Variants in LRIG1 observed in about 807,000 individuals in gnomAD.
LRIG1 encodes the protein leucine rich repeats and immunoglobulin like domains 1.
A neutral mutation model predicts 99.2 loss-of-function variants in LRIG1; 48 were observed. The observed-to-expected ratio is 0.48, with a 90% CI of 0.38 to 0.62. LRIG1 has a LOEUF of 0.62. Among genes scored for constraint, LRIG1 ranks in the 20% least tolerant of loss-of-function variants. The probability of loss-of-function intolerance (pLI) is 0.00; values close to 1 mark genes in which losing one functional copy is unlikely to be tolerated. For missense variants in LRIG1, 1,646 were observed against 1,434.4 expected (o/e 1.15, Z -2.38); for synonymous variants, 772 against 596.1 (o/e 1.29, Z -4.30).
chr3:66,477,802 A>G (rs1700756184), intron 1 of LRIG1, among the ~76,000 whole-genome samples: 1 of 151,980 alleles, frequency 6.6e-6, no homozygotes, highest in Admixed American at 6.6e-5. Flanking sequence ...GGAAGAGGGG[A>G]GAGGAGGGGA....
In LRIG1 at chr3:66,380,524, T is replaced by G. The variant is rs766278287; in HGVS notation, c.3056-35A>C. 3.1e-6 allele frequency: 5 copies of G among 1,613,770 alleles called. No homozygotes were observed. In the East Asian group the frequency reaches 1.1e-4, roughly 36 times the overall value. On this transcript the variant is annotated intron_variant, in intron 18 of 18. Coordinates refer to ENST00000273261, the MANE Select transcript of LRIG1 (RefSeq NM_015541.3). ...AAGAACGAACCTGTCAGACCCCCAC[T>G]TGACCGTTTAAGCAGCTCCCAACCC...
At chr3:66,385,276 C>A (rs1232379492) in intron 13 of LRIG1, among the ~76,000 whole-genome samples, 2 of 152,196 alleles carry the variant, frequency 1.3e-5, no homozygotes, top group Non-Finnish European at 2.9e-5. Flanking sequence ...CAGCCTTGCA[C>A]TCCACAGTCT....
intron 1 of LRIG1, chr3:66,498,332 AG>A (rs1255262092): frequency 6.6e-6 from 1 of 152,214 alleles, no homozygotes; most frequent in East Asian, 1.9e-4. Context: ...GGCAACAGAA[AG>A]CCTAAAGAAA....
At chr3:66,404,427 C>A in intron 9 of LRIG1, 1 of 1,197,434 alleles carries the variant, frequency 8.4e-7, no homozygotes, top group Non-Finnish European at 1.1e-6. Flanking sequence ...CGTCCCCTTC[C>A]TGCACGGTCC....
intron 6 of LRIG1, 30 bp from the exon 7 acceptor site, chr3:66,410,302 A>G (rs1406011151): frequency 1.9e-6 from 3 of 1,573,508 alleles, no homozygotes; most frequent in South Asian, 2.4e-5. Context: ...CAGGATGAAG[A>G]GGAGCTTTCA....
intron 1 of LRIG1, among the ~76,000 whole-genome samples, chr3:66,486,766 T>A (rs1214429247): frequency 6.6e-6 from 1 of 152,232 alleles, no homozygotes; most frequent in Non-Finnish European, 1.5e-5. Context: ...TTCACCTCAA[T>A]GCTAGTATTT....
intron 3 of LRIG1, among the ~76,000 whole-genome samples, chr3:66,451,063 T>C (rs1036681036): frequency 4.6e-5 from 7 of 152,202 alleles, no homozygotes; most frequent in Non-Finnish European, 8.8e-5. Flanking sequence ...CTAGAACAAA[T>C]AGATCGCATC....
In LRIG1 at chr3:66,380,218, C is replaced by G. The variant is rs1466187911; in HGVS notation, c.*45G>C. 4.6e-6 allele frequency: 7 copies of G among 1,526,254 alleles called. No individual in the cohort carries two copies. The highest frequency in any genetic ancestry group is 6.2e-6 in the Non-Finnish European group (7 of 1,121,454). The allele number at this position is 1,526,254 out of a possible 1,614,324, so 94.5% of individuals were successfully genotyped here. A position where few individuals can be genotyped will look rare whatever the true frequency, so the allele number is the denominator to read the frequency against. On this transcript the variant is annotated 3_prime_UTR_variant, in exon 19 of 19. Transcript: ENST00000273261. ...CTTCCTCGCAGCCTCTCCTACCTCT[C>G]TTTCCCGTAGAGATTGGTATGACAA...
At chr3:66,406,761 G>A (rs1702282857) in intron 8 of LRIG1, among the ~76,000 whole-genome samples, 1 of 152,176 alleles carries the variant, frequency 6.6e-6, no homozygotes, top group African/African-American at 2.4e-5. Flanking sequence ...GACTTCAAGG[G>A]AAATGGCATT....
At chr3:66,401,701 A>T (rs1702063309) in intron 9 of LRIG1, 1 of 1,508,900 alleles carries the variant, frequency 6.6e-7, no homozygotes, top group African/African-American at 1.4e-5. Flanking sequence ...GAGAAAGGAG[A>T]GGCGGGATTA....
intron 1 of LRIG1, among the ~76,000 whole-genome samples, chr3:66,486,542 C>T (rs1333133419): frequency 6.6e-6 from 1 of 152,180 alleles, no homozygotes; most frequent in African/African-American, 2.4e-5. Context: ...GGCACCTGAA[C>T]TTAAAGAGCT....
intron 17 of LRIG1, among the ~76,000 whole-genome samples, 159 bp downstream of exon 17, chr3:66,381,320 A>C (rs1402365566): frequency 6.6e-6 from 1 of 152,178 alleles, no homozygotes; most frequent in African/African-American, 2.4e-5. Flanking sequence ...CTATCCTGGA[A>C]TTAAGAGAGC....
intron 2 of LRIG1, among the ~76,000 whole-genome samples, chr3:66,456,885 A>G (rs1700235174): frequency 6.6e-6 from 1 of 152,206 alleles, no homozygotes; most frequent in Non-Finnish European, 1.5e-5. Flanking sequence ...AGAGGACTGT[A>G]TAAATAGCCC....
chr3:66,456,504 T>C (rs1006738142), intron 2 of LRIG1, among the ~76,000 whole-genome samples: 12 of 151,312 alleles, frequency 7.9e-5, no homozygotes, highest in African/African-American at 2.4e-4. Flanking sequence ...GCCTGGGAAT[T>C]TGAGGCTGCA....
chr3:66,421,268 C>T (rs943835320), intron 3 of LRIG1, among the ~76,000 whole-genome samples: 3 of 152,176 alleles, frequency 2.0e-5, no homozygotes, highest in Admixed American at 6.5e-5. Flanking sequence ...AAAGTCTTAA[C>T]TCATTTCAGC....
intron 5 of LRIG1, 107 bp from the exon 6 acceptor site, chr3:66,413,121 G>C: frequency 1.5e-6 from 2 of 1,308,924 alleles, no homozygotes; most frequent in Non-Finnish European, 2.2e-6. Context: ...AGAAATCCCA[G>C]TGCAGGGATC....
chr3:66,399,079 AG>A (rs773649206), intron 9 of LRIG1, 38 bp from the exon 10 acceptor site: 8 of 1,527,748 alleles, frequency 5.2e-6, no homozygotes, highest in Non-Finnish European at 7.3e-6. Flanking sequence ...AGGCCAGGGA[AG>A]GAAAGCGAAA....
Position 66,386,164 on chromosome 3 carries a change from C to T in LRIG1, c.1606G>A (p.Val536Ile), listed in dbSNP as rs1701363341. 1 of 1,614,038 alleles carries T rather than the reference C, an allele frequency of 6.2e-7. No individual in the cohort carries two copies. The change falls in exon 13 of 19, where the codon GTC (valine) becomes ATC (isoleucine). Residue 536 changes from valine to isoleucine, a missense_variant. Val to Ile is a conservative substitution (Grantham distance 29). Coordinates refer to ENST00000273261, the MANE Select transcript of LRIG1 (RefSeq NM_015541.3). ...MTFAWKKDNE[V>I]LTNADMENFV... is the part of the protein sequence containing the mutation. ...TTCTCCATGTCTGCATTGGTCAGGA[C>T]TTCATTGTCTTTCTTCCAGGCAAAG... is the stretch of plus-strand genomic sequence containing the variant.
rs1156275777 is a variant in LRIG1 at position 66,414,904 on chromosome 3, A to G, written c.647+16T>C. 6.4e-7 allele frequency: 1 copy of G among 1,565,432 alleles called. No homozygotes were observed. The highest frequency in any genetic ancestry group is 1.2e-5 in the South Asian group (1 of 82,678). On this transcript the variant is annotated intron_variant, in intron 5 of 18. Coordinates refer to ENST00000273261, the MANE Select transcript of LRIG1 (RefSeq NM_015541.3). ...GTTTGGCTAGCCTTAATTAAAGTGT[A>G]GGTTTCTGTACTCACAGTTGTGTCA...
Sources: gnomAD v4.1 joint callset for allele counts (sites outside exome capture counted in the v4.1 genomes callset) on GRCh38, gnomAD v4.1.1 for gene constraint, MANE v1.5 for transcripts, NCBI Gene and HGNC (gene_info 2026-07-23, HGNC 2026-07-21) for gene names.